STK24: variants seen among roughly 807,000 people sequenced by gnomAD.
STK24 encodes serine/threonine kinase 24, also known as serine/threonine-protein kinase 24.
A neutral mutation model predicts 55.6 loss-of-function variants in STK24; 21 were observed. That is an observed-to-expected ratio of 0.38 (90% CI 0.27 to 0.54). The LOEUF is 0.54. Ranked by LOEUF, STK24 falls within the 20% of genes least tolerant of loss-of-function variation. The pLI is 0.79. For missense variants in STK24, 383 were observed against 538.4 expected (o/e 0.71, Z 2.86); for synonymous variants, 200 against 215.2 (o/e 0.93, Z 0.62).
rs539547133 is a variant in STK24, at chr13:98,464,367, C to T, written c.784-531G>A. Among the ~76,000 whole-genome samples, 222 of 151,488 alleles carry T rather than the reference C, an allele frequency of 1.5e-3. 1 individual carries two copies. The highest frequency in any genetic ancestry group is 2.3e-3 in the Non-Finnish European group (157 of 67,852). On this transcript the variant is annotated intron_variant, in intron 6 of 10. Coordinates refer to ENST00000539966, the MANE Select transcript of STK24 (RefSeq NM_001032296.4). Reference sequence around the variant, plus strand: ...CCAGGAGGCGGAGCTTGCAGGGAGCCGAGATCGCGCCACTGCACTCCAGCC... The same window carrying T: ...CCAGGAGGCGGAGCTTGCAGGGAGCTGAGATCGCGCCACTGCACTCCAGCC...
chr13:98,482,873 C>T (rs1283735433), intron 2 of STK24, among the ~76,000 whole-genome samples: 1 of 152,230 alleles, frequency 6.6e-6, no homozygotes, highest in Admixed American at 6.5e-5. Context: ...AGAAGGGCAG[C>T]CAATTCTAGC....
intron 1 of STK24, among the ~76,000 whole-genome samples, chr13:98,528,608 T>C (rs765930518): frequency 9.9e-5 from 15 of 152,198 alleles, no homozygotes; most frequent in Non-Finnish European, 1.8e-4. Flanking sequence ...TTCTTTAAAA[T>C]TGTTCTATGA....
intron 2 of STK24, among the ~76,000 whole-genome samples, chr13:98,508,111 G>A (rs1181015070): frequency 2.6e-5 from 4 of 152,034 alleles, no homozygotes; most frequent in Non-Finnish European, 4.4e-5. Flanking sequence ...GCTCCCCACC[G>A]CTTCTTGCTA....
At chr13:98,574,013 A>T (rs1009759244) in intron 1 of STK24, among the ~76,000 whole-genome samples, 3 of 145,626 alleles carry the variant, frequency 2.1e-5, no homozygotes, top group Admixed American at 1.3e-4. Context: ...TTATTTTTTT[A>T]TTTTATTTTT....
chr13:98,455,063 A>C (rs1373725758), intron 10 of STK24: 2 of 152,246 alleles, frequency 1.3e-5, no homozygotes, highest in East Asian at 1.9e-4. Flanking sequence ...AGATGTGCTA[A>C]GTGTAAAACA....
chr13:98,482,878 T>C (rs1387818453), intron 2 of STK24, among the ~76,000 whole-genome samples: 7 of 152,160 alleles, frequency 4.6e-5, no homozygotes, highest in South Asian at 2.1e-4. Flanking sequence ...GGCAGCCAAT[T>C]CTAGCACCTC....
At chr13:98,574,429 C>T (rs1431301602) in intron 1 of STK24, among the ~76,000 whole-genome samples, 6 of 152,200 alleles carry the variant, frequency 3.9e-5, no homozygotes, top group Admixed American at 2.0e-4. Context: ...CAGTCGAAAG[C>T]AGGTGTGTTT....
chr13:98,482,827 G>A (rs920604675), intron 2 of STK24, among the ~76,000 whole-genome samples: 37 of 152,132 alleles, frequency 2.4e-4, no homozygotes, highest in African/African-American at 7.7e-4. Context: ...TGGAGGGGCC[G>A]CCTAGCGTGG....
intron 3 of STK24, among the ~76,000 whole-genome samples, chr13:98,478,809 T>C (rs1894479256): frequency 9.7e-6 from 1 of 102,834 alleles, no homozygotes; most frequent in Non-Finnish European, 2.3e-5. Flanking sequence ...CTGGCAACAC[T>C]GGCTGATCTT....
At chr13:98,503,024 G>GTTTTGTTTTTTTTTTT (rs1555306357) in intron 2 of STK24, among the ~76,000 whole-genome samples, 1 of 107,084 alleles carries the variant, frequency 9.3e-6, no homozygotes, top group African/African-American at 4.0e-5. Flanking sequence ...CTTTCCATGT[G>GTTTTGTTTTTTTTTTT]TTTTTTTTTT....
At chr13:98,524,735 CA>C (rs1395568500) in intron 1 of STK24, among the ~76,000 whole-genome samples, 7 of 152,214 alleles carry the variant, frequency 4.6e-5, no homozygotes, top group Non-Finnish European at 7.3e-5. Flanking sequence ...TATGGGGTGT[CA>C]GGGGTAGACA....
intron 3 of STK24, among the ~76,000 whole-genome samples, chr13:98,481,124 T>C (rs1388250446): frequency 3.3e-5 from 5 of 151,916 alleles, no homozygotes; most frequent in Non-Finnish European, 5.9e-5. Context: ...GAAAGAGTGA[T>C]CACAGTGACT....
intron 1 of STK24, among the ~76,000 whole-genome samples, chr13:98,572,031 C>T (rs1897755788): frequency 6.6e-6 from 1 of 152,194 alleles, no homozygotes; most frequent in Non-Finnish European, 1.5e-5. Flanking sequence ...CCACAGGCAC[C>T]CCACTGCCTC....
chr13:98,498,946 G>C (rs760959971), intron 2 of STK24, among the ~76,000 whole-genome samples: 1 of 151,656 alleles, frequency 6.6e-6, no homozygotes, highest in African/African-American at 2.4e-5. Context: ...CATCCTCAAC[G>C]GTTCCTTTGA....
At chr13:98,459,470 C>A (rs1473153271) in intron 9 of STK24, among the ~76,000 whole-genome samples, 2 of 152,212 alleles carry the variant, frequency 1.3e-5, no homozygotes, top group African/African-American at 2.4e-5. Context: ...CTGGGCAGGG[C>A]AACAGGTGAA....
intron 1 of STK24, among the ~76,000 whole-genome samples, chr13:98,546,989 G>A (rs575778812): frequency 2.0e-4 from 31 of 152,056 alleles, no homozygotes; most frequent in African/African-American, 4.8e-4. Context: ...TCGGCTCACC[G>A]CAACCTCCGC....
chr13:98,458,308 G>A (rs1362075496), intron 9 of STK24, among the ~76,000 whole-genome samples: 1 of 152,166 alleles, frequency 6.6e-6, no homozygotes, highest in Non-Finnish European at 1.5e-5. Flanking sequence ...CAACAGAAGA[G>A]GCTCTTTGTG....
At chr13:98,474,728 G>T in intron 5 of STK24, 93 bp downstream of exon 5, 2 of 1,481,518 alleles carry the variant, frequency 1.3e-6, no homozygotes, top group Non-Finnish European at 9.0e-7. Context: ...TACCAGCTTC[G>T]TTCCAACTTA....
chr13:98,540,193 T>C (rs894881257), intron 1 of STK24, among the ~76,000 whole-genome samples: 6 of 152,150 alleles, frequency 3.9e-5, no homozygotes, highest in Admixed American at 3.3e-4. Context: ...AGATGCAGAA[T>C]TGTCCAAGGC....
Sources: allele counts gnomAD v4.1 joint callset (sites outside exome capture counted in the v4.1 genomes callset), GRCh38; gene constraint gnomAD v4.1.1; transcripts MANE v1.5; gene names NCBI Gene and HGNC (gene_info 2026-07-23, HGNC 2026-07-21).